CADM2: variants seen among roughly 807,000 people sequenced by gnomAD.
CADM2 encodes immunoglobulin superfamily member 4D.
In CADM2, 12 loss-of-function variants were observed where a neutral mutation model predicts 49.8. The ratio of observed to expected loss-of-function variants is 0.24; its 90% CI spans 0.15 to 0.39. CADM2 has a LOEUF of 0.39. Among genes scored for constraint, CADM2 ranks in the 10% least tolerant of loss-of-function variants. CADM2 has a pLI of 1.00. For missense variants in CADM2, 378 were observed against 492.3 expected, an observed-to-expected ratio of 0.77 and a Z score of 2.20; for synonymous variants, 214 against 175.4, an observed-to-expected ratio of 1.22 and a Z score of -1.74.
At chr3:85,621,277 G>A (rs1029595602) in intron 1 of CADM2, among the ~76,000 whole-genome samples, 1 of 152,068 alleles carries the variant, frequency 6.6e-6, no homozygotes, top group African/African-American at 2.4e-5. Flanking sequence ...CTTTAGAGAT[G>A]TTATATAAAC....
intron 1 of CADM2, among the ~76,000 whole-genome samples, chr3:85,121,138 G>C (rs1209765759): frequency 6.6e-6 from 1 of 152,142 alleles, no homozygotes; most frequent in East Asian, 1.9e-4. Flanking sequence ...CTTTTGATGA[G>C]TTCTGCCCTC....
intron 5 of CADM2, among the ~76,000 whole-genome samples, chr3:85,888,928 T>C (rs1185647560): frequency 6.6e-6 from 1 of 152,154 alleles, no homozygotes; most frequent in African/African-American, 2.4e-5. Flanking sequence ...CTGTTTTTAG[T>C]ATAATATCAC....
intron 1 of CADM2, among the ~76,000 whole-genome samples, chr3:85,349,783 G>A (rs2031150864): frequency 6.6e-6 from 1 of 152,154 alleles, no homozygotes; most frequent in African/African-American, 2.4e-5. Context: ...TTGGACTAGG[G>A]AATATAAAGT....
intron 1 of CADM2, among the ~76,000 whole-genome samples, chr3:85,042,665 A>G (rs2035487647): frequency 6.6e-6 from 1 of 152,230 alleles, no homozygotes. Flanking sequence ...TATGCATTAC[A>G]GCAGAACAGT....
chr3:85,933,920 A>G (rs1720896381), intron 6 of CADM2, among the ~76,000 whole-genome samples: 1 of 152,092 alleles, frequency 6.6e-6, no homozygotes, highest in African/African-American at 2.4e-5. Context: ...GCCCTTTCAT[A>G]TCATGGAATG....
chr3:85,401,100 A>G (rs2035084774), intron 1 of CADM2, among the ~76,000 whole-genome samples: 1 of 152,144 alleles, frequency 6.6e-6, no homozygotes, highest in African/African-American at 2.4e-5. Context: ...ATAACAAACA[A>G]CTATCCTTCT....
At chr3:85,457,739 C>T (rs1438874464) in intron 1 of CADM2, among the ~76,000 whole-genome samples, 2 of 152,092 alleles carry the variant, frequency 1.3e-5, no homozygotes, top group Admixed American at 6.6e-5. Flanking sequence ...TAATGATTGA[C>T]ACTATAATAT....
At chr3:85,188,663 G>T (rs2041125223) in intron 1 of CADM2, among the ~76,000 whole-genome samples, 2 of 151,866 alleles carry the variant, frequency 1.3e-5, no homozygotes, top group African/African-American at 4.8e-5. Context: ...ATTATTGTAG[G>T]ATTACATTTC....
intron 1 of CADM2, among the ~76,000 whole-genome samples, chr3:85,260,149 T>C (rs1043844878): frequency 1.3e-5 from 2 of 152,062 alleles, no homozygotes; most frequent in Admixed American, 1.3e-4. Flanking sequence ...CCACAATCAA[T>C]GTGAAAAAAT....
At chr3:86,038,187 AC>A (rs1195159998) in intron 8 of CADM2, among the ~76,000 whole-genome samples, 5 of 152,260 alleles carry the variant, frequency 3.3e-5, no homozygotes, top group Admixed American at 6.5e-5. Context: ...AAAAACAACA[AC>A]AAAAAACAAA....
intron 1 of CADM2, among the ~76,000 whole-genome samples, chr3:84,973,255 A>G (rs961278711): frequency 1.3e-5 from 2 of 152,264 alleles, no homozygotes; most frequent in East Asian, 3.9e-4. Context: ...TTATTTTTAT[A>G]GTAATATCTT....
intron 1 of CADM2, among the ~76,000 whole-genome samples, chr3:85,196,792 A>C (rs1344691784): frequency 6.6e-6 from 1 of 151,920 alleles, no homozygotes; most frequent in Non-Finnish European, 1.5e-5. Context: ...TAACCATCCT[A>C]ATTGTATCAC....
At chr3:85,867,649 A>G (rs2108342565) in intron 3 of CADM2, among the ~76,000 whole-genome samples, 1 of 62,886 alleles carries the variant, frequency 1.6e-5, no homozygotes, top group African/African-American at 6.5e-5. Flanking sequence ...GAATGTTATT[A>G]TTTTATCATA....
chr3:85,606,253 T>C (rs1030595726), intron 1 of CADM2, among the ~76,000 whole-genome samples: 13 of 152,072 alleles, frequency 8.5e-5, no homozygotes, highest in African/African-American at 3.1e-4. Context: ...TGAACTCTCA[T>C]TTTTTTGATT....
intron 1 of CADM2, among the ~76,000 whole-genome samples, chr3:85,692,982 C>T (rs978597800): frequency 1.3e-5 from 2 of 152,072 alleles, no homozygotes; most frequent in Non-Finnish European, 2.9e-5. Flanking sequence ...GTAATCCCAG[C>T]GCTTTGTGAG....
intron 1 of CADM2, among the ~76,000 whole-genome samples, chr3:85,335,528 G>A (rs920983378): frequency 2.6e-5 from 4 of 151,286 alleles, no homozygotes; most frequent in South Asian, 2.1e-4. Context: ...GGAATTATTA[G>A]CATATTCATC....
intron 1 of CADM2, among the ~76,000 whole-genome samples, chr3:85,079,959 C>T (rs1021985104): frequency 2.0e-5 from 3 of 151,672 alleles, no homozygotes; most frequent in Non-Finnish European, 4.4e-5. Context: ...CTTTGATACA[C>T]TATTGGAAAC....
At chr3:85,306,479 T>A (rs2044215048) in intron 1 of CADM2, among the ~76,000 whole-genome samples, 1 of 151,712 alleles carries the variant, frequency 6.6e-6, no homozygotes, top group Admixed American at 6.6e-5. Flanking sequence ...TTAAAATGTA[T>A]TACCATAGAA....
chr3:85,329,258 C>G (rs190100760), intron 1 of CADM2, among the ~76,000 whole-genome samples: 5 of 152,068 alleles, frequency 3.3e-5, no homozygotes, highest in African/African-American at 1.2e-4. Context: ...TAACACAGGA[C>G]GGGCATGGTG....
Sources: allele counts gnomAD v4.1 joint callset (sites outside exome capture counted in the v4.1 genomes callset), GRCh38; gene constraint gnomAD v4.1.1; transcripts MANE v1.5; gene names NCBI Gene and HGNC (gene_info 2026-07-23, HGNC 2026-07-21).